PPP2R3C: variants seen among roughly 807,000 people sequenced by gnomAD.
PPP2R3C encodes protein phosphatase 2 regulatory subunit B''gamma.
A neutral mutation model predicts 63.7 loss-of-function variants in PPP2R3C; 47 were observed. The ratio of observed to expected loss-of-function variants is 0.74; its 90% CI spans 0.58 to 0.94. PPP2R3C has a LOEUF of 0.94. PPP2R3C is among the 40% of genes least tolerant of loss of function. The pLI is 0.00. For synonymous variants in PPP2R3C, 180 were observed against 177.4 expected (o/e 1.01, Z -0.12); for missense variants, 421 against 518.4 (o/e 0.81, Z 1.82).
At chr14:35,092,981 C>A (rs985060798) in intron 10 of PPP2R3C, among the ~76,000 whole-genome samples, 5 of 151,960 alleles carry the variant, frequency 3.3e-5, no homozygotes, top group African/African-American at 4.8e-5. Flanking sequence ...GGGGCCGAGG[C>A]GGGCAGATCA....
intron 6 of PPP2R3C, among the ~76,000 whole-genome samples, chr14:35,104,783 G>A (rs992360497): frequency 6.6e-6 from 1 of 152,096 alleles, no homozygotes; most frequent in African/African-American, 2.4e-5. Flanking sequence ...TGCCCAGGCT[G>A]GAGTGCAGTG....
At position 35,085,541 on chromosome 14, in the gene PPP2R3C, T is replaced by C; in HGVS notation, c.*49A>G. ...AGGATTTTGCTTTAAAGGCTTTACATGCAGCATTCAAGTATCTCATAATAT... is the reference window on the plus strand; with the variant it reads ...AGGATTTTGCTTTAAAGGCTTTACACGCAGCATTCAAGTATCTCATAATAT... On this transcript the variant is annotated 3_prime_UTR_variant, in exon 13 of 13. Coordinates refer to ENST00000261475, the MANE Select transcript of PPP2R3C (RefSeq NM_017917.4). 1 of 1,474,776 alleles carries C rather than the reference T, an allele frequency of 6.8e-7. No homozygotes were observed. The highest frequency in any genetic ancestry group is 9.1e-7 in the Non-Finnish European group (1 of 1,097,100). 91.4% of individuals were successfully genotyped at this position (1,474,776 alleles called of 1,614,324 possible). A position where few individuals can be genotyped will look rare whatever the true frequency, so the allele number is the denominator to read the frequency against.
chr14:35,119,370 CTT>C (rs2046796955), intron 1 of PPP2R3C, among the ~76,000 whole-genome samples: 2 of 151,782 alleles, frequency 1.3e-5, no homozygotes, highest in Non-Finnish European at 2.9e-5. Flanking sequence ...GGGTCTGGCT[CTT>C]GTCACCCAGG....
Position 35,099,369 on chromosome 14 carries a change from T to C in PPP2R3C, c.589A>G (p.Ile197Val), listed in dbSNP as rs752581811. 5 of 1,594,824 alleles carry C rather than the reference T, an allele frequency of 3.1e-6. No homozygotes were observed. The highest frequency in any genetic ancestry group is 4.3e-6 in the Non-Finnish European group (5 of 1,175,988). Residue 197 changes from isoleucine to valine, a missense_variant, in exon 7 of 13, where the codon ATA (isoleucine) becomes GTA (valine). Around this residue, in one of 3 missense-constraint regions of PPP2R3C, gnomAD observed 47 missense variants for 102.3 expected, o/e 0.46. Transcript: ENST00000261475. The part of the protein sequence containing the change: ...YLRESDLENY[I>V]LELIPTLPQL... Reference sequence around the variant, plus strand: ...GGCAACGTAGGGATAAGTTCCAATATGTAGTTTTCTAAATCCTGAAAATAA... The same window carrying C: ...GGCAACGTAGGGATAAGTTCCAATACGTAGTTTTCTAAATCCTGAAAATAA...
chr14:35,118,161 T>C (rs2046760868), intron 1 of PPP2R3C, among the ~76,000 whole-genome samples: 1 of 152,172 alleles, frequency 6.6e-6, no homozygotes, highest in Non-Finnish European at 1.5e-5. Context: ...AAGCAGGAAT[T>C]CGAGACGAGT....
chr14:35,096,047 T>TA (rs1336377511), intron 9 of PPP2R3C, among the ~76,000 whole-genome samples: 1 of 152,008 alleles, frequency 6.6e-6, no homozygotes, highest in Non-Finnish European at 1.5e-5. Context: ...GTGTATAACT[T>TA]AAAAAGGGTT....
intron 2 of PPP2R3C, among the ~76,000 whole-genome samples, chr14:35,115,662 C>A (rs924838137): frequency 6.6e-6 from 1 of 152,134 alleles, no homozygotes; most frequent in Non-Finnish European, 1.5e-5. Context: ...TGCTCTGTCA[C>A]CCAGGCTGGA....
At chr14:35,109,672 C>T in intron 4 of PPP2R3C, 147 bp downstream of exon 4, 1 of 562,252 alleles carries the variant, frequency 1.8e-6, no homozygotes, top group South Asian at 2.5e-5. Context: ...CCCAGGCTGG[C>T]CTCAAACACC....
At chr14:35,122,032 G>A, upstream of PPP2R3C, 1 of 1,535,302 alleles carries the variant, frequency 6.5e-7, no homozygotes, top group Non-Finnish European at 9.0e-7. Flanking sequence ...TCAGGCGTCA[G>A]CACCGCCAGG....
intron 2 of PPP2R3C, 110 bp downstream of exon 2, chr14:35,116,500 C>T (rs1296840086): frequency 1.9e-5 from 15 of 794,228 alleles, no homozygotes; most frequent in Non-Finnish European, 2.7e-5. Context: ...AGTGATCCTC[C>T]CGCCTCAGCC....
chr14:35,109,739 A>G, intron 4 of PPP2R3C, 80 bp downstream of exon 4: 1 of 1,159,744 alleles, frequency 8.6e-7, no homozygotes, highest in Non-Finnish European at 1.2e-6. Flanking sequence ...TACAGGTGTG[A>G]GCCACTGTGC....
chr14:35,115,601 A>C (rs7155697), intron 2 of PPP2R3C, among the ~76,000 whole-genome samples: 16,019 of 151,802 alleles, frequency 0.11, 1,065 homozygotes, highest in African/African-American at 0.19. Context: ...GCACAAGGAA[A>C]AAATAATCAA....
At chr14:35,105,168 C>G (rs1045804921) in intron 6 of PPP2R3C, among the ~76,000 whole-genome samples, 13 of 151,344 alleles carry the variant, frequency 8.6e-5, no homozygotes, top group Non-Finnish European at 1.0e-4. Context: ...ATGCTACATT[C>G]TTTTTATTTT....
intron 1 of PPP2R3C, among the ~76,000 whole-genome samples, chr14:35,118,671 T>TC (rs10634752): frequency 4.3e-4 from 22 of 51,318 alleles, no homozygotes; most frequent in East Asian, 1.1e-3. Context: ...TTTTTTTTTT[T>TC]CCGAGACTGA....
In PPP2R3C at chr14:35,093,807, G is replaced by A. The variant is rs534691923; in HGVS notation, c.975+1241C>T. Reference sequence around the variant, plus strand: ...GCTGGGACTACAGGTGCCCGTCACCGCACCCAGCTAATTTTTTGTATTTTT... The same window carrying A: ...GCTGGGACTACAGGTGCCCGTCACCACACCCAGCTAATTTTTTGTATTTTT... On this transcript the variant is annotated intron_variant, in intron 10 of 12. Transcript: ENST00000261475. Among the ~76,000 whole-genome samples, 6 of 151,986 alleles carry A rather than the reference G, an allele frequency of 3.9e-5. 1 individual carries two copies. In the South Asian group the frequency reaches 6.2e-4, roughly 16 times the overall value.
At chr14:35,112,193 C>T (rs961251786) in intron 2 of PPP2R3C, among the ~76,000 whole-genome samples, 1 of 152,218 alleles carries the variant, frequency 6.6e-6, no homozygotes, top group Admixed American at 6.5e-5. Context: ...GGTTTGCCAA[C>T]TGGGGTGATT....
Position 35,091,054 on chromosome 14 carries a change from T to C in PPP2R3C, c.1113+16A>G, listed in dbSNP as rs1331842641. ...ATCTTAAGGAACAATGACTCACTTA[T>C]GCAAATGAGACTTACCCTAAAGAAA... On this transcript the variant is annotated intron_variant, in intron 11 of 12. Transcript: ENST00000261475. 8 of 1,591,416 alleles carry C rather than the reference T, an allele frequency of 5.0e-6. No homozygotes were observed. Among genetic ancestry groups the C allele is most frequent in the Non-Finnish European group, 4.3e-6 (5 of 1,164,474 alleles).
At chr14:35,101,196 C>T (rs56762985) in intron 6 of PPP2R3C, 8,187 of 152,300 alleles carry the variant, frequency 0.054, 321 homozygotes, top group African/African-American at 0.1. Flanking sequence ...AGGATGGTCT[C>T]GATCTCCTGA....
At chr14:35,106,088 G>A (rs567654680) in intron 6 of PPP2R3C, among the ~76,000 whole-genome samples, 51 of 151,238 alleles carry the variant, frequency 3.4e-4, no homozygotes, top group African/African-American at 9.2e-4. Context: ...CTCGTGATCC[G>A]CCCGCCTCGG....
Sources: gnomAD v4.1 joint callset for allele counts (sites outside exome capture counted in the v4.1 genomes callset) on GRCh38, gnomAD v4.1.1 for gene constraint, gnomAD v4.1.1 regional missense constraint, MANE v1.5 for transcripts, NCBI Gene and HGNC (gene_info 2026-07-23, HGNC 2026-07-21) for gene names.